FBXO40: variants seen among roughly 807,000 people sequenced by gnomAD.
The protein encoded by FBXO40 is F-box only protein 40.
In FBXO40, 50 loss-of-function variants were observed where a neutral mutation model predicts 49.9. That is an observed-to-expected ratio of 1.00 (90% CI 0.80 to 1.27). The LOEUF (loss-of-function observed/expected upper bound fraction) is 1.27, where lower values mean the gene tolerates loss of function less well. Among genes scored for constraint, FBXO40 ranks in the 50% most tolerant of loss-of-function variants. The pLI, the probability that FBXO40 is intolerant of heterozygous loss-of-function variation, is 0.00. For synonymous variants in FBXO40, 340 were observed against 320.2 expected (o/e 1.06, Z -0.66); for missense variants, 895 against 870.1 (o/e 1.03, Z -0.36).
chr3:121,604,524 AC>A (rs1191192848), intron 1 of FBXO40, among the ~76,000 whole-genome samples: 1 of 152,194 alleles, frequency 6.6e-6, no homozygotes, highest in African/African-American at 2.4e-5. Flanking sequence ...GATGGCCCTG[AC>A]CCAAACCACA....
intron 1 of FBXO40, among the ~76,000 whole-genome samples, chr3:121,598,488 A>G (rs1389348334): frequency 1.3e-5 from 2 of 152,350 alleles, no homozygotes; most frequent in East Asian, 3.9e-4. Flanking sequence ...TTAGATTTAA[A>G]TACTACAAAG....
chr3:121,614,795 C>T (rs1200826905), intron 1 of FBXO40, among the ~76,000 whole-genome samples: 6 of 152,304 alleles, frequency 3.9e-5, no homozygotes, highest in East Asian at 3.9e-4. Context: ...GTTTTCCTTC[C>T]GAGTGGGAGT....
chr3:121,614,370 AGGCAGAG>A (rs1174309059), intron 1 of FBXO40, among the ~76,000 whole-genome samples: 31 of 151,258 alleles, frequency 2.0e-4, no homozygotes, highest in Non-Finnish European at 1.0e-4. Flanking sequence ...TGAACACAGG[AGGCAGAG>A]GTTGCAGTGA....
chr3:121,612,071 T>A (rs2048969190), intron 1 of FBXO40, among the ~76,000 whole-genome samples: 1 of 152,334 alleles, frequency 6.6e-6, no homozygotes, highest in African/African-American at 2.4e-5. Flanking sequence ...ATAGACACAG[T>A]AACAGTCTGA....
At position 121,623,089 on chromosome 3, in the gene FBXO40, A is replaced by C. The variant is rs1381372886; in HGVS notation, c.1660A>C (p.Ser554Arg). The change falls in exon 3 of 4, where the codon AGC becomes CGC. Residue 554 changes from serine (S) to arginine (R), a missense_variant. Ser to Arg is a moderately radical substitution (Grantham distance 110). Coordinates refer to ENST00000338040, the MANE Select transcript of FBXO40 (RefSeq NM_016298.4). Reference protein sequence around the residue: ...AIKPEVAPELSEGRKNNHLLG... With the variant: ...AIKPEVAPELREGRKNNHLLG... ...TAAGCCGGAGGTTGCTCCAGAGCTG[A>C]GCGAGGGAAGGAAGAACAACCATCT... 1 of 1,614,246 alleles carries C rather than the reference A, an allele frequency of 6.2e-7. No individual in the cohort carries two copies. The highest frequency in any genetic ancestry group is 2.2e-5 in the East Asian group (1 of 44,890).
At chr3:121,624,214 T>C (rs530809661) in intron 3 of FBXO40, among the ~76,000 whole-genome samples, 1 of 151,808 alleles carries the variant, frequency 6.6e-6, no homozygotes, top group Non-Finnish European at 1.5e-5. Flanking sequence ...GGTCTCGAAC[T>C]CCCAACCTCA....
intron 2 of FBXO40, 47 bp downstream of exon 2, chr3:121,620,625 T>G: frequency 6.2e-7 from 1 of 1,612,700 alleles, no homozygotes; most frequent in Non-Finnish European, 8.5e-7. Context: ...GAGGTCCAGG[T>G]CTTCCTTCAT....
chr3:121,599,566 A>G (rs916038728), intron 1 of FBXO40, among the ~76,000 whole-genome samples: 1 of 150,772 alleles, frequency 6.6e-6, no homozygotes, highest in Non-Finnish European at 1.5e-5. Flanking sequence ...ATTTTTGTCA[A>G]CCTTTTCACA....
rs143310041 is a variant in FBXO40, at chr3:121,626,753, C to T, written c.1973C>T (p.Thr658Ile). Residue 658 changes from threonine to isoleucine, a missense_variant, in exon 4 of 4, where the codon ACC becomes ATC. Transcript: ENST00000338040. ...AAGAGCTGGGAGTTTAATGAAGTCA[C>T]CTCCATGTCTGAGCACCTGAAGTCC... is the stretch of plus-strand genomic sequence containing the variant. Reference protein sequence around the residue: ...KIKSWEFNEVTSMSEHLKSCP... With the variant: ...KIKSWEFNEVISMSEHLKSCP... The T allele has an allele frequency of 2.5e-6, 4 of 1,614,060 alleles. No homozygotes were observed. In the African/African-American group the frequency reaches 4.0e-5, roughly 16 times the overall value.
At chr3:121,615,047 C>T (rs2048989696) in intron 1 of FBXO40, among the ~76,000 whole-genome samples, 1 of 151,844 alleles carries the variant, frequency 6.6e-6, no homozygotes, top group African/African-American at 2.4e-5. Context: ...ATGAAACCCC[C>T]ACAAAAAGTT....
rs2049071014 is a variant in FBXO40 at position 121,627,853 on chromosome 3, T to C, written c.*943T>C. 2.5e-6 allele frequency: 1 copy of C among 398,620 alleles called. No homozygotes were observed. Among genetic ancestry groups the C allele is most frequent in the South Asian group, 1.3e-4 (1 of 7,856 alleles). The allele number at this position is 398,620 out of a possible 1,614,324, so 24.7% of individuals were successfully genotyped here. A position where few individuals can be genotyped will look rare whatever the true frequency, so the allele number is the denominator to read the frequency against. ...GGGCAGCCCAGGGAGATCACACCTT[T>C]GGCAAAGTCCAGACAAGGCCCACTG... On this transcript the variant is annotated 3_prime_UTR_variant, in exon 4 of 4. Coordinates refer to ENST00000338040, the MANE Select transcript of FBXO40 (RefSeq NM_016298.4).
chr3:121,629,328 G>A lies in FBXO40; in HGVS notation c.*2418G>A, dbSNP rs2049079799. On this transcript the variant is annotated 3_prime_UTR_variant, in exon 4 of 4. Coordinates refer to ENST00000338040, the MANE Select transcript of FBXO40 (RefSeq NM_016298.4). ...AGGGTGTGACCTAAGGTTTTATTCTGTGAAGATGAGTAACTGGAAAGAAGC... is the reference window on the plus strand; with the variant it reads ...AGGGTGTGACCTAAGGTTTTATTCTATGAAGATGAGTAACTGGAAAGAAGC... 6.6e-6 allele frequency: 1 copy of A among 152,158 alleles called. No individual in the cohort carries two copies. Among genetic ancestry groups the A allele is most frequent in the South Asian group, 2.1e-4 (1 of 4,814 alleles). 9.4% of individuals were successfully genotyped at this position (152,158 alleles called of 1,614,324 possible). A position where few individuals can be genotyped will look rare whatever the true frequency, so the allele number is the denominator to read the frequency against.
At chr3:121,598,713 C>G (rs1331013309) in intron 1 of FBXO40, among the ~76,000 whole-genome samples, 2 of 152,154 alleles carry the variant, frequency 1.3e-5, no homozygotes, top group African/African-American at 4.8e-5. Context: ...TTGCCCACTC[C>G]TTTTCCAGAT....
rs367946510 is a variant in FBXO40, at chr3:121,622,359, T to C, written c.930T>C (p.Tyr310=). The C allele has an allele frequency of 2.0e-5, 32 of 1,614,062 alleles. No homozygotes were observed. Among genetic ancestry groups the C allele is most frequent in the Non-Finnish European group, 2.6e-5 (31 of 1,180,040 alleles). The change falls in exon 3 of 4, where the codon TAT becomes TAC. Residue 310 remains tyrosine, a synonymous_variant. Transcript: ENST00000338040. ...TGGATGCAAAGGACTATAACATGTA[T>C]CTAGTGCACAATGGGCGGATGCTGA... ...TAVDAKDYNM[Y]LVHNGRMLIH... is the part of the protein sequence containing the mutation.
chr3:121,610,310 G>GA (rs1267852242), intron 1 of FBXO40, among the ~76,000 whole-genome samples: 1 of 152,164 alleles, frequency 6.6e-6, no homozygotes, highest in East Asian at 1.9e-4. Context: ...CTTGGCCATT[G>GA]AAAATTGCAA....
rs1407013363 is a variant in FBXO40, at chr3:121,622,288, C to G, written c.859C>G (p.Leu287Val). ...TCGTACAGCCATGGAAACCACAGGG[C>G]TTGCCCCTTGGCAGGATGGTGTTCT... is the stretch of plus-strand genomic sequence containing the variant. ...DVRTAMETTGLAPWQDGVLER... is the reference protein window; with the variant it reads ...DVRTAMETTGVAPWQDGVLER... The change falls in exon 3 of 4, where the codon CTT becomes GTT. Residue 287 changes from leucine to valine, a missense_variant. By Grantham distance (32) the Leu-to-Val change is conservative (BLOSUM62 1). Coordinates refer to ENST00000338040, the MANE Select transcript of FBXO40 (RefSeq NM_016298.4). 6.2e-7 allele frequency: 1 copy of G among 1,614,228 alleles called. No individual in the cohort carries two copies. The highest frequency in any genetic ancestry group is 1.1e-5 in the South Asian group (1 of 91,064).
chr3:121,594,245 G>C (rs949067130), intron 1 of FBXO40, among the ~76,000 whole-genome samples: 5 of 151,982 alleles, frequency 3.3e-5, no homozygotes, highest in Non-Finnish European at 7.4e-5. Context: ...CTGTTGCCCA[G>C]GCTGGAGTGC....
chr3:121,600,901 G>T (rs1006953137), intron 1 of FBXO40, among the ~76,000 whole-genome samples: 10 of 152,188 alleles, frequency 6.6e-5, no homozygotes, highest in African/African-American at 2.2e-4. Context: ...ACCCCATGGG[G>T]GATAAGGATC....
intron 1 of FBXO40, among the ~76,000 whole-genome samples, chr3:121,604,359 A>G (rs1459480620): frequency 6.6e-6 from 1 of 152,208 alleles, no homozygotes; most frequent in Non-Finnish European, 1.5e-5. Context: ...ATATATGAGT[A>G]CCATACATTG....
Sources: allele counts gnomAD v4.1 joint callset (sites outside exome capture counted in the v4.1 genomes callset), GRCh38; gene constraint gnomAD v4.1.1; transcripts MANE v1.5; gene names NCBI Gene and HGNC (gene_info 2026-07-23, HGNC 2026-07-21).